Variants in PLA2G5 observed in about 807,000 individuals in gnomAD.
The protein encoded by PLA2G5 is phospholipase A2 group V.
Under a neutral mutation model 15.9 loss-of-function variants are expected in PLA2G5, and 12 were observed. The ratio of observed to expected loss-of-function variants is 0.76; its 90% CI spans 0.48 to 1.23. The LOEUF is 1.23. Among genes scored for constraint, PLA2G5 ranks in the 50% most tolerant of loss-of-function variants. The pLI is 0.00. For synonymous variants in PLA2G5, 71 were observed against 71.4 expected (o/e 0.99, Z 0.03); for missense variants, 169 against 177.1 (o/e 0.95, Z 0.26).
At chr1:20,081,544 C>T (rs986680468) in intron 1 of PLA2G5, among the ~76,000 whole-genome samples, 2 of 151,824 alleles carry the variant, frequency 1.3e-5, no homozygotes, top group African/African-American at 4.9e-5. Context: ...CTGGGAAAGG[C>T]TGGTGGGGCA....
chr1:20,034,948 G>T (rs1193897668), intron 1 of PLA2G5, among the ~76,000 whole-genome samples: 5 of 152,066 alleles, frequency 3.3e-5, no homozygotes, highest in Admixed American at 2.6e-4. Context: ...ACAGGTGTTG[G>T]ATGTGATGAG....
intron 1 of PLA2G5, among the ~76,000 whole-genome samples, chr1:20,043,952 G>A (rs1362573402): frequency 6.6e-6 from 1 of 152,218 alleles, no homozygotes; most frequent in African/African-American, 2.4e-5. Context: ...TAAGTCTTCA[G>A]CCACTAAGCT....
chr1:20,030,465 A>G (rs2012857465), intron 1 of PLA2G5, among the ~76,000 whole-genome samples: 1 of 151,990 alleles, frequency 6.6e-6, no homozygotes, highest in Non-Finnish European at 1.5e-5. Flanking sequence ...ATCTCAGTAA[A>G]TATAATGTAT....
intron 1 of PLA2G5, among the ~76,000 whole-genome samples, chr1:20,029,154 G>A (rs1170841831): frequency 3.3e-5 from 5 of 152,318 alleles, no homozygotes; most frequent in South Asian, 2.1e-4. Flanking sequence ...CTGAGTGGAA[G>A]TAGCTCTCAG....
At chr1:20,051,312 A>G (rs2014167626) in intron 1 of PLA2G5, among the ~76,000 whole-genome samples, 1 of 152,214 alleles carries the variant, frequency 6.6e-6, no homozygotes, top group South Asian at 2.1e-4. Flanking sequence ...TGACATCAGA[A>G]TAGAAGAAAA....
intron 1 of PLA2G5, among the ~76,000 whole-genome samples, chr1:20,052,778 T>A (rs1025677909): frequency 6.6e-6 from 1 of 152,098 alleles, no homozygotes; most frequent in Non-Finnish European, 1.5e-5. Flanking sequence ...AAGGGAAAAG[T>A]CAAGCTTGGA....
At chr1:20,065,841 G>A (rs1276412975), upstream of PLA2G5, among the ~76,000 whole-genome samples, 1 of 152,282 alleles carries the variant, frequency 6.6e-6, no homozygotes, top group African/African-American at 2.4e-5. Flanking sequence ...ATTTAGCTTT[G>A]TAAGAAACTG....
intron 1 of PLA2G5, among the ~76,000 whole-genome samples, chr1:20,039,482 A>C (rs1198345062): frequency 6.6e-6 from 1 of 152,222 alleles, no homozygotes; most frequent in Non-Finnish European, 1.5e-5. Context: ...TCAGCTCTAC[A>C]TTGTTGCAAA....
rs553588082 is a variant in PLA2G5, at chr1:20,029,846, G to A, written n.276+1137G>A. 1.2e-4 allele frequency among the ~76,000 whole-genome samples: 18 copies of A among 152,346 alleles called. 1 individual carries two copies. The South Asian group carries it at 3.5e-3, about 30-fold the overall frequency. On this transcript the variant is annotated intron_variant and non_coding_transcript_variant, in intron 1 of 6. Coordinates refer to the PLA2G5 transcript ENST00000460175. ...AATGTCTGGAGATTGAAACACCAGTGTGTATGTTCCTGACCAACTTGCCTG... is the reference window on the plus strand; with the variant it reads ...AATGTCTGGAGATTGAAACACCAGTATGTATGTTCCTGACCAACTTGCCTG...
chr1:20,080,217 G>A (rs1464171130), intron 1 of PLA2G5, among the ~76,000 whole-genome samples: 1 of 152,128 alleles, frequency 6.6e-6, no homozygotes, highest in Non-Finnish European at 1.5e-5. Flanking sequence ...TCTTAGTGGG[G>A]AAGAGCCCTG....
chr1:20,090,617 C>T lies in PLA2G5; in HGVS notation c.342C>T (p.Leu114=), dbSNP rs144012929. The T allele has an allele frequency of 9.3e-6, 15 of 1,613,842 alleles. No individual in the cohort carries two copies. The highest frequency in any genetic ancestry group is 2.2e-5 in the East Asian group (1 of 44,894). The change falls in exon 5 of 5, where the codon CTC becomes CTT. Residue 114 remains leucine (L), a synonymous_variant. Coordinates refer to ENST00000375108, the MANE Select transcript of PLA2G5 (RefSeq NM_000929.3). ...HVNLCACDRK[L]VYCLKRNLRS... is the part of the protein sequence containing the mutation. ...ACCTCTGTGCCTGTGACCGGAAGCT[C>T]GTCTACTGCCTCAAGAGAAACCTAC...
chr1:20,068,746 C>T (rs946589161), upstream of PLA2G5: 5 of 333,328 alleles, frequency 1.5e-5, no homozygotes, highest in South Asian at 5.2e-5. Context: ...CCCCCACGCC[C>T]GGCCAAAAGT....
At chr1:20,080,521 G>A (rs1456329057) in intron 1 of PLA2G5, among the ~76,000 whole-genome samples, 4 of 152,216 alleles carry the variant, frequency 2.6e-5, no homozygotes, top group African/African-American at 9.6e-5. Context: ...GGCAGAGGCT[G>A]CAGTGATCTG....
At chr1:20,047,476 A>G (rs527089) in intron 1 of PLA2G5, among the ~76,000 whole-genome samples, 133,618 of 152,210 alleles carry the variant, frequency 0.88, 59,649 homozygotes, top group East Asian at 1. Context: ...ATGTAAAATG[A>G]AAGTAGTATG....
At chr1:20,040,149 A>T (rs2013512996) in intron 1 of PLA2G5, among the ~76,000 whole-genome samples, 1 of 152,208 alleles carries the variant, frequency 6.6e-6, no homozygotes. Flanking sequence ...TTATTTAGAA[A>T]GTTTATTTTG....
intron 1 of PLA2G5, among the ~76,000 whole-genome samples, chr1:20,054,994 C>T (rs2014365316): frequency 1.3e-5 from 2 of 152,112 alleles, no homozygotes; most frequent in Non-Finnish European, 2.9e-5. Context: ...GCAGGCATTC[C>T]TCTTATAATG....
chr1:20,086,042 G>T (rs368502044), intron 2 of PLA2G5, 41 bp from the exon 3 acceptor site: 1 of 1,611,274 alleles, frequency 6.2e-7, no homozygotes, highest in South Asian at 1.1e-5. Context: ...AGCAGGGCTG[G>T]GCTGCCTGGG....
chr1:20,060,019 G>A (rs1180749446), intron 2 of PLA2G5, among the ~76,000 whole-genome samples: 1 of 152,018 alleles, frequency 6.6e-6, no homozygotes, highest in East Asian at 1.9e-4. Flanking sequence ...AACCACTAGG[G>A]CTGCACACAA....
rs375355973 is a variant in PLA2G5, at chr1:20,086,156, G to A, written c.114G>A (p.Leu38=). Residue 38 remains leucine, a synonymous_variant, in exon 3 of 5, where the codon CTG becomes CTA. Coordinates refer to ENST00000375108, the MANE Select transcript of PLA2G5 (RefSeq NM_000929.3). ...AGAAGGTGACAGGGAAGAACGCCCT[G>A]ACAAACTACGGCTTCTACGGCTGTT... ...MIEKVTGKNA[L]TNYGFYGCYC... 9.9e-6 allele frequency: 16 copies of A among 1,614,008 alleles called. No homozygotes were observed. The African/African-American group carries it at 2.1e-4, about 22-fold the overall frequency.
Sources: gnomAD v4.1 joint callset for allele counts (sites outside exome capture counted in the v4.1 genomes callset) on GRCh38, gnomAD v4.1.1 for gene constraint, MANE v1.5 for transcripts, NCBI Gene and HGNC (gene_info 2026-07-23, HGNC 2026-07-21) for gene names.